Variants in PTPRC observed in about 807,000 individuals in gnomAD.
PTPRC encodes the protein receptor-type tyrosine-protein phosphatase C.
A neutral mutation model predicts 155.9 loss-of-function variants in PTPRC; 44 were observed. The observed-to-expected ratio is 0.28, with a 90% CI of 0.22 to 0.36. PTPRC has a LOEUF of 0.36. Among genes scored for constraint, PTPRC ranks in the 10% least tolerant of loss-of-function variants. The pLI, the probability that PTPRC is intolerant of heterozygous loss-of-function variation, is 1.00. For synonymous variants in PTPRC, 525 were observed against 533.1 expected (o/e 0.98, Z 0.21); for missense variants, 1,401 against 1,564.6 (o/e 0.90, Z 1.76).
At chr1:198,739,330 A>G (rs1654791091) in intron 23 of PTPRC, among the ~76,000 whole-genome samples, 1 of 151,856 alleles carries the variant, frequency 6.6e-6, no homozygotes. Context: ...GTTGCTTACA[A>G]GAAACATTCT....
intron 3 of PTPRC, among the ~76,000 whole-genome samples, chr1:198,695,906 A>T (rs2102381574): frequency 6.6e-6 from 1 of 152,154 alleles, no homozygotes; most frequent in East Asian, 1.9e-4. Context: ...TCACGCCTGT[A>T]ATCCCAGCAC....
rs2102493392 is a variant in PTPRC, at chr1:198,735,225, C to T, written c.2376C>T (p.Tyr792=). The change falls in exon 23 of 33, where the codon TAC becomes TAT. Residue 792 remains tyrosine (Y), a synonymous_variant. Transcript: ENST00000442510. Reference sequence around the variant, plus strand: ...ACCAGCACAAAAGATGTCCAGATTACATCATTCAGAAATTGAACATTGTAA... The same window carrying T: ...ACCAGCACAAAAGATGTCCAGATTATATCATTCAGAAATTGAACATTGTAA... ...KINQHKRCPD[Y]IIQKLNIVNK... is the part of the protein sequence containing the mutation. The T allele has an allele frequency of 1.2e-6, 2 of 1,602,258 alleles. No individual in the cohort carries two copies. Among genetic ancestry groups the T allele is most frequent in the South Asian group, 2.3e-5 (2 of 88,868 alleles).
intron 14 of PTPRC, among the ~76,000 whole-genome samples, chr1:198,719,196 G>A (rs1446638830): frequency 6.6e-6 from 1 of 151,958 alleles, no homozygotes; most frequent in African/African-American, 2.4e-5. Context: ...ATCAGTGTAT[G>A]AAATGACTGC....
chr1:198,728,996 T>C (rs1467015905), intron 16 of PTPRC, 141 bp from the exon 17 acceptor site: 40 of 893,748 alleles, frequency 4.5e-5, no homozygotes, highest in Non-Finnish European at 6.2e-5. Flanking sequence ...TCCTTTCCTC[T>C]TCTCCTCTCC....
At chr1:198,691,719 G>A (rs954818221) in intron 2 of PTPRC, among the ~76,000 whole-genome samples, 1 of 152,020 alleles carries the variant, frequency 6.6e-6, no homozygotes, top group Non-Finnish European at 1.5e-5. Context: ...CTAGCTATAT[G>A]CAATCCTTTA....
intron 12 of PTPRC, among the ~76,000 whole-genome samples, chr1:198,715,187 A>G (rs1653514629): frequency 1.3e-5 from 2 of 152,004 alleles, no homozygotes. Context: ...CAGTCATGCG[A>G]TCTCGGCTCA....
chr1:198,656,734 A>G (rs1345706708), intron 2 of PTPRC, among the ~76,000 whole-genome samples: 3 of 150,268 alleles, frequency 2.0e-5, no homozygotes, highest in Non-Finnish European at 4.4e-5. Context: ...AATGCACGTC[A>G]TGGAGGTGGC....
At chr1:198,712,219 A>C (rs956237837) in intron 11 of PTPRC, among the ~76,000 whole-genome samples, 1 of 152,228 alleles carries the variant, frequency 6.6e-6, no homozygotes, top group Admixed American at 6.5e-5. Flanking sequence ...ATTGAGTGCA[A>C]TATGTTAGGA....
intron 32 of PTPRC, 39 bp from the exon 33 acceptor site, chr1:198,755,867 A>C: frequency 6.4e-7 from 1 of 1,563,912 alleles, no homozygotes; most frequent in Non-Finnish European, 8.8e-7. Flanking sequence ...AATGACATCA[A>C]CTTTCTTCAT....
rs937532862 is a variant in PTPRC at position 198,659,464 on chromosome 1, C to A, written c.73+20123C>A. On this transcript the variant is annotated intron_variant, in intron 2 of 32. Coordinates refer to ENST00000442510, the MANE Select transcript of PTPRC (RefSeq NM_002838.5). ...AGGGGGCCAGTGCTCATTTTGAGGA[C>A]ACGATAGTTCGGACTGTCTGAGGAA... Among the ~76,000 whole-genome samples, 4 of 151,968 alleles carry A rather than the reference C, an allele frequency of 2.6e-5. No homozygotes were observed. In the South Asian group the frequency reaches 8.3e-4, roughly 32 times the overall value.
intron 17 of PTPRC, among the ~76,000 whole-genome samples, chr1:198,730,010 C>A (rs373546165): frequency 2.6e-5 from 4 of 152,018 alleles, no homozygotes; most frequent in African/African-American, 9.7e-5. Flanking sequence ...ATGGATTGGA[C>A]AAAGAACAGC....
chr1:198,685,788 T>C (rs1362179484), intron 2 of PTPRC, among the ~76,000 whole-genome samples: 3 of 152,106 alleles, frequency 2.0e-5, no homozygotes, highest in African/African-American at 7.2e-5. Context: ...AGGTCAAGTA[T>C]GCATTCTCAA....
intron 31 of PTPRC, among the ~76,000 whole-genome samples, chr1:198,754,013 A>ATATTT (rs989670273): frequency 7.2e-5 from 11 of 152,202 alleles, no homozygotes; most frequent in African/African-American, 2.6e-4. Context: ...TCCATAAAAT[A>ATATTT]CTAAATAAAA....
At chr1:198,746,817 GTGT>G (rs973385399) in intron 26 of PTPRC, among the ~76,000 whole-genome samples, 1 of 151,820 alleles carries the variant, frequency 6.6e-6, no homozygotes, top group Non-Finnish European at 1.5e-5. Flanking sequence ...AGAGCACAAG[GTGT>G]TGTAACAGTT....
chr1:198,678,517 C>T lies in PTPRC; in HGVS notation c.74-13830C>T. 1.3e-5 allele frequency among the ~76,000 whole-genome samples: 2 copies of T among 152,132 alleles called. 1 individual carries two copies. The highest frequency in any genetic ancestry group is 2.9e-5 in the Non-Finnish European group (2 of 68,024). On this transcript the variant is annotated intron_variant, in intron 2 of 32. Coordinates refer to ENST00000442510, the MANE Select transcript of PTPRC (RefSeq NM_002838.5). ...TGCTGCCGGTCTAGATGGCCATGCCCCAACAAAAGCAAAGCCACTCTCCCT... is the reference window on the plus strand; with the variant it reads ...TGCTGCCGGTCTAGATGGCCATGCCTCAACAAAAGCAAAGCCACTCTCCCT...
At chr1:198,640,154 A>G (rs1259810793) in intron 2 of PTPRC, among the ~76,000 whole-genome samples, 1 of 151,970 alleles carries the variant, frequency 6.6e-6, no homozygotes, top group Non-Finnish European at 1.5e-5. Flanking sequence ...TGGTCTATTC[A>G]ATGGATAGTT....
At chr1:198,669,431 A>C (rs1044446032) in intron 2 of PTPRC, among the ~76,000 whole-genome samples, 1 of 152,134 alleles carries the variant, frequency 6.6e-6, no homozygotes, top group Non-Finnish European at 1.5e-5. Flanking sequence ...ATACTACCTA[A>C]TCTGCTATAT....
intron 12 of PTPRC, 135 bp from the exon 13 acceptor site, chr1:198,716,547 G>T: frequency 1.4e-6 from 1 of 726,142 alleles, no homozygotes; most frequent in East Asian, 2.6e-5. Context: ...TGAGTATCAA[G>T]GATGTACTTA....
intron 15 of PTPRC, among the ~76,000 whole-genome samples, chr1:198,723,114 T>TATAG (rs1461805547): frequency 7.5e-5 from 11 of 147,626 alleles, no homozygotes; most frequent in Non-Finnish European, 1.5e-4. Flanking sequence ...GTTTCCTTCA[T>TATAG]ATATATATAT....
Sources: gnomAD v4.1 joint callset for allele counts (sites outside exome capture counted in the v4.1 genomes callset) on GRCh38, gnomAD v4.1.1 for gene constraint, MANE v1.5 for transcripts, NCBI Gene and HGNC (gene_info 2026-07-23, HGNC 2026-07-21) for gene names.